INTS6: variants seen among roughly 807,000 people sequenced by gnomAD.
The protein encoded by INTS6 is integrator complex subunit 6.
In INTS6, 16 loss-of-function variants were observed where a neutral mutation model predicts 104.9. The observed-to-expected ratio is 0.15, with a 90% CI of 0.10 to 0.23. The LOEUF (loss-of-function observed/expected upper bound fraction) is 0.23, where lower values mean the gene tolerates loss of function less well. Among genes scored for constraint, INTS6 ranks in the 10% least tolerant of loss-of-function variants. The probability of loss-of-function intolerance (pLI) is 1.00; values close to 1 mark genes in which losing one functional copy is unlikely to be tolerated. For synonymous variants in INTS6, 324 were observed against 358.7 expected (o/e 0.90, Z 1.09); for missense variants, 584 against 1,062.8 (o/e 0.55, Z 6.26).
intron 4 of INTS6, chr13:51,421,523 C>T (rs1354418700): frequency 6.5e-6 from 1 of 153,780 alleles, no homozygotes; most frequent in Non-Finnish European, 1.4e-5. Flanking sequence ...TAAGGTTATT[C>T]CTAATATAAA....
At chr13:51,371,914 A>G (rs570587018) in intron 15 of INTS6, among the ~76,000 whole-genome samples, 26 of 152,208 alleles carry the variant, frequency 1.7e-4, no homozygotes, top group Admixed American at 7.9e-4. Context: ...TGGAGGGAGC[A>G]TTCTTTCATC....
At position 51,452,442 on chromosome 13, in the gene INTS6, G is replaced by T. The variant is rs1380884462; in HGVS notation, c.84C>A (p.Ala28=). 6.2e-7 allele frequency: 1 copy of T among 1,611,396 alleles called. No homozygotes were observed. Among genetic ancestry groups the T allele is most frequent in the South Asian group, 1.1e-5 (1 of 91,040 alleles). The change falls in exon 1 of 18, where the codon GCC becomes GCA. Residue 28 remains alanine, a synonymous_variant. Coordinates refer to ENST00000311234, the MANE Select transcript of INTS6 (RefSeq NM_012141.3). This position sits in a 1 kb window ranked among gnomAD's most constrained non-coding sequence, Gnocchi z 4.2. The part of the protein sequence containing the change: ...SHLGTTYLDT[A]KGAVETFMKL... Reference sequence around the variant, plus strand: ...TCATGAAGGTCTCTACCGCGCCTTTGGCCGTGTCCAGGTAGGTGGTGCCCA... The same window carrying T: ...TCATGAAGGTCTCTACCGCGCCTTTTGCCGTGTCCAGGTAGGTGGTGCCCA...
the INTS6 span, chr13:51,344,299 A>T: frequency 6.2e-7 from 1 of 1,613,656 alleles, no homozygotes; most frequent in East Asian, 2.2e-5. Context: ...CACACTACCC[A>T]CCTCCAGCCA....
intron 7 of INTS6, chr13:51,383,980 T>C (rs1331886983): frequency 2.0e-5 from 6 of 295,190 alleles, no homozygotes; most frequent in Non-Finnish European, 3.7e-5. Context: ...TTTTAGGTCT[T>C]ACGCAAAATT....
the INTS6 span, chr13:51,341,435 T>A: frequency 3.2e-6 from 4 of 1,252,966 alleles, no homozygotes; most frequent in African/African-American, 1.5e-5. Flanking sequence ...ACACTCACAC[T>A]CACTCTCTCC....
intron 15 of INTS6, among the ~76,000 whole-genome samples, chr13:51,370,056 C>A (rs1475050135): frequency 6.6e-6 from 1 of 152,172 alleles, no homozygotes; most frequent in Admixed American, 6.5e-5. Context: ...CCTGTCCAAA[C>A]TATAAACTTA....
chr13:51,341,060 C>T, the INTS6 span: 1 of 1,605,942 alleles, frequency 6.2e-7, no homozygotes, highest in Non-Finnish European at 8.5e-7. Flanking sequence ...TGCATCTCTT[C>T]CCTCTGAATT....
chr13:51,404,424 C>G (rs1406082252), intron 4 of INTS6, among the ~76,000 whole-genome samples: 2 of 152,142 alleles, frequency 1.3e-5, no homozygotes, highest in African/African-American at 2.4e-5. Context: ...TATTCTTTCC[C>G]TGTGTGTGTA....
At chr13:51,411,121 G>A (rs1027290662) in intron 4 of INTS6, among the ~76,000 whole-genome samples, 3 of 151,930 alleles carry the variant, frequency 2.0e-5, no homozygotes, top group Non-Finnish European at 2.9e-5. Flanking sequence ...GCTGAGGCAC[G>A]AGAATTGCTT....
At chr13:51,446,668 T>A (rs559086972) in intron 3 of INTS6, 1 of 152,180 alleles carries the variant, frequency 6.6e-6, no homozygotes, top group Non-Finnish European at 1.5e-5. Flanking sequence ...TGACTATCAA[T>A]GGATATGTGG....
At chr13:51,422,048 A>G (rs957509253) in intron 4 of INTS6, among the ~76,000 whole-genome samples, 60 of 152,316 alleles carry the variant, frequency 3.9e-4, no homozygotes, top group African/African-American at 1.3e-3. Flanking sequence ...GCTCATTTCA[A>G]TTTTTAAATA....
chr13:51,435,601 CAAATTTTGAAAAA>C (rs1479438449), intron 3 of INTS6, among the ~76,000 whole-genome samples: 1 of 151,866 alleles, frequency 6.6e-6, no homozygotes, highest in African/African-American at 2.4e-5. Flanking sequence ...AATGTTACAA[CAAATTTTGAAAAA>C]AAATTTTGAA....
chr13:51,420,021 A>G (rs1956866037), intron 4 of INTS6, among the ~76,000 whole-genome samples: 1 of 152,144 alleles, frequency 6.6e-6, no homozygotes. Flanking sequence ...TTGCCCTCCA[A>G]CAGTGGAATA....
intron 15 of INTS6, among the ~76,000 whole-genome samples, 157 bp downstream of exon 15, chr13:51,374,051 C>T (rs534245732): frequency 2.0e-5 from 3 of 152,244 alleles, no homozygotes; most frequent in South Asian, 4.1e-4. Context: ...AAAAGACATA[C>T]AAAAATGATT....
chr13:51,374,537 T>C (rs1955878331), intron 14 of INTS6, 98 bp from the exon 15 acceptor site: 2 of 1,506,004 alleles, frequency 1.3e-6, no homozygotes, highest in African/African-American at 1.4e-5. Context: ...ATTCTGTTCA[T>C]ATTTATTAGA....
chr13:51,348,361 C>T, the INTS6 span: 3 of 1,613,846 alleles, frequency 1.9e-6, no homozygotes, highest in African/African-American at 4.0e-5. Context: ...GCACCATCCA[C>T]CTCTGGACCA....
intron 4 of INTS6, among the ~76,000 whole-genome samples, chr13:51,428,463 T>A (rs2138092314): frequency 6.6e-6 from 1 of 152,010 alleles, no homozygotes; most frequent in Non-Finnish European, 1.5e-5. Context: ...TAGCTGGGAT[T>A]ACAGGTGTGC....
chr13:51,438,779 A>C (rs978659495), intron 3 of INTS6: 1 of 152,224 alleles, frequency 6.6e-6, no homozygotes, highest in Non-Finnish European at 1.5e-5. Context: ...TAAATAAGCA[A>C]GATAGTTCAC....
At chr13:51,379,791 C>G (rs1956010048) in intron 10 of INTS6, among the ~76,000 whole-genome samples, 1 of 151,954 alleles carries the variant, frequency 6.6e-6, no homozygotes, top group Non-Finnish European at 1.5e-5. Flanking sequence ...AATAACTCCC[C>G]AAGACAAGAA....
Sources: gnomAD v4.1 joint callset for allele counts (sites outside exome capture counted in the v4.1 genomes callset) on GRCh38, gnomAD v4.1.1 for gene constraint, Gnocchi (gnomAD v3.1) non-coding constraint, MANE v1.5 for transcripts, NCBI Gene and HGNC (gene_info 2026-07-23, HGNC 2026-07-21) for gene names.